TSPAN2: variants seen among roughly 807,000 people sequenced by gnomAD.
TSPAN2 encodes tetraspanin 2, also known as tetraspanin-2.
In TSPAN2, 24 loss-of-function variants were observed where a neutral mutation model predicts 33.3. That is an observed-to-expected ratio of 0.72 (90% confidence interval 0.52 to 1.01). TSPAN2 has a LOEUF of 1.01. Ranked by LOEUF, TSPAN2 falls within the 50% of genes least tolerant of loss-of-function variation. TSPAN2 has a pLI of 0.00. For synonymous variants in TSPAN2, 114 were observed against 104.5 expected, an observed-to-expected ratio of 1.09 and a Z score of -0.56; for missense variants, 278 against 281.3, an observed-to-expected ratio of 0.99 and a Z score of 0.08.
chr1:115,075,148 C>T (rs1648352754), intron 1 of TSPAN2, among the ~76,000 whole-genome samples: 1 of 152,114 alleles, frequency 6.6e-6, no homozygotes, highest in South Asian at 2.1e-4. Flanking sequence ...GATTATCCTC[C>T]CAGACAGAAT....
chr1:115,079,137 C>CCA (rs202132434), intron 1 of TSPAN2, among the ~76,000 whole-genome samples: 1,794 of 146,738 alleles, frequency 0.012, 17 homozygotes, highest in South Asian at 0.024. Context: ...AATTATAGCG[C>CCA]CACACACACA....
intron 1 of TSPAN2, among the ~76,000 whole-genome samples, chr1:115,073,217 G>T (rs979602086): frequency 7.2e-5 from 11 of 152,256 alleles, no homozygotes; most frequent in African/African-American, 2.6e-4. Flanking sequence ...CATTGGACTG[G>T]GTTTTTCTGA....
intron 7 of TSPAN2, among the ~76,000 whole-genome samples, chr1:115,052,487 C>T (rs1647213511): frequency 6.6e-6 from 1 of 152,166 alleles, no homozygotes; most frequent in East Asian, 1.9e-4. Flanking sequence ...TATCCTCTAC[C>T]ACAGGTTCTT....
chr1:115,059,973 T>C (rs1216456413), intron 4 of TSPAN2, among the ~76,000 whole-genome samples: 1 of 152,146 alleles, frequency 6.6e-6, no homozygotes, highest in East Asian at 1.9e-4. Flanking sequence ...CCTCTGTGTG[T>C]CCCCCCGATA....
Position 115,062,116 on chromosome 1 carries a change from A to AC in TSPAN2, c.270+18dup. 6.9e-7 allele frequency: 1 copy of AC among 1,451,360 alleles called. No homozygotes were observed. Among genetic ancestry groups the AC allele is most frequent in the East Asian group, 2.5e-5 (1 of 40,674 alleles). 89.9% of individuals were successfully genotyped at this position (1,451,360 alleles called of 1,614,324 possible). A position where few individuals can be genotyped will look rare whatever the true frequency, so the allele number is the denominator to read the frequency against. On this transcript the variant is annotated intron_variant, in intron 3 of 7. Coordinates refer to ENST00000369516, the MANE Select transcript of TSPAN2 (RefSeq NM_005725.6). Reference sequence around the variant, plus strand: ...CTCCCTCACCCCCACCCCACCATTTACCCCCTCGCCCCACTTACTGATCCA... The same window carrying AC: ...CTCCCTCACCCCCACCCCACCATTTACCCCCCTCGCCCCACTTACTGATCCA...
intron 2 of TSPAN2, among the ~76,000 whole-genome samples, chr1:115,068,791 C>A (rs1415688201): frequency 6.6e-6 from 1 of 152,182 alleles, no homozygotes; most frequent in East Asian, 1.9e-4. Context: ...TTTCTACAAA[C>A]ATGTCTATTG....
At chr1:115,071,141 C>G (rs1319040841) in intron 2 of TSPAN2, among the ~76,000 whole-genome samples, 1 of 152,068 alleles carries the variant, frequency 6.6e-6, no homozygotes, top group Non-Finnish European at 1.5e-5. Context: ...AGCCCAGGCC[C>G]CTCCCCAGGC....
At chr1:115,062,278 C>T in intron 2 of TSPAN2, 46 bp from the exon 3 acceptor site, 1 of 1,456,698 alleles carries the variant, frequency 6.9e-7, no homozygotes, top group Non-Finnish European at 9.4e-7. Context: ...CAACCGAGTG[C>T]CTCCACGACC....
At position 115,049,372 on chromosome 1, in the gene TSPAN2, A is replaced by G. The variant is rs1270016073; in HGVS notation, c.*1118T>C. ...TTTCTTTATTTTGGTTTGGCCAAAG[A>G]TGCTAATGGTTAAATTATGAAGGAC... On this transcript the variant is annotated 3_prime_UTR_variant, in exon 8 of 8. Coordinates refer to ENST00000369516, the MANE Select transcript of TSPAN2 (RefSeq NM_005725.6). 2 of 152,592 alleles carry G rather than the reference A, an allele frequency of 1.3e-5. No homozygotes were observed. The highest frequency in any genetic ancestry group is 1.5e-5 in the Non-Finnish European group (1 of 68,006). The allele number at this position is 152,592 out of a possible 1,614,324, so 9.5% of individuals were successfully genotyped here.
chr1:115,086,028 G>A (rs1303561509), intron 1 of TSPAN2, among the ~76,000 whole-genome samples: 1 of 152,144 alleles, frequency 6.6e-6, no homozygotes, highest in Non-Finnish European at 1.5e-5. Flanking sequence ...ATCCTCAAAT[G>A]AAGACAAATG....
At chr1:115,084,146 C>A (rs966206106) in intron 1 of TSPAN2, among the ~76,000 whole-genome samples, 3 of 152,182 alleles carry the variant, frequency 2.0e-5, no homozygotes, top group Non-Finnish European at 2.9e-5. Flanking sequence ...ATTCTACTTT[C>A]CCATTTGTAC....
intron 3 of TSPAN2, 90 bp from the exon 4 acceptor site, chr1:115,060,628 A>C: frequency 1.0e-6 from 1 of 961,512 alleles, no homozygotes; most frequent in Non-Finnish European, 1.6e-6. Context: ...TAATGGCTGA[A>C]TCGCTTTCAT....
chr1:115,076,288 G>A (rs1648409845), intron 1 of TSPAN2, among the ~76,000 whole-genome samples: 1 of 152,138 alleles, frequency 6.6e-6, no homozygotes, highest in African/African-American at 2.4e-5. Context: ...TCTGGGGGAG[G>A]TCGGAGGTTG....
rs770103316 is a variant in TSPAN2, at chr1:115,048,333, C to CTG, written c.*2155_*2156dup. On this transcript the variant is annotated 3_prime_UTR_variant, in exon 8 of 8. Coordinates refer to ENST00000369516, the MANE Select transcript of TSPAN2 (RefSeq NM_005725.6). ...TATATATATATATATATTCATCTTT[C>CTG]TGTGTGTGTGTGTATATATATCCAC... The CTG allele has an allele frequency of 2.1e-4, 31 of 147,814 alleles. No homozygotes were observed. The highest frequency in any genetic ancestry group is 7.9e-4 in the East Asian group (4 of 5,072). 9.2% of individuals were successfully genotyped at this position (147,814 alleles called of 1,614,324 possible).
intron 1 of TSPAN2, among the ~76,000 whole-genome samples, chr1:115,087,559 T>C (rs754536252): frequency 2.2e-5 from 3 of 138,324 alleles, no homozygotes; most frequent in Non-Finnish European, 3.0e-5. Flanking sequence ...GAGCTTGCAG[T>C]GAGTGGAGAT....
intron 5 of TSPAN2, 142 bp downstream of exon 5, chr1:115,058,741 G>C (rs1223403990): frequency 4.2e-6 from 3 of 716,770 alleles, no homozygotes; most frequent in African/African-American, 1.8e-5. Flanking sequence ...TGCAAACTGT[G>C]GCCCTCAAAA....
At chr1:115,058,809 G>T in intron 5 of TSPAN2, 74 bp downstream of exon 5, 1 of 1,236,926 alleles carries the variant, frequency 8.1e-7, no homozygotes, top group Non-Finnish European at 1.2e-6. Context: ...TTTTAATCCT[G>T]GTGATTGGTG....
At chr1:115,064,988 CT>C (rs1647887791) in intron 2 of TSPAN2, among the ~76,000 whole-genome samples, 1 of 152,130 alleles carries the variant, frequency 6.6e-6, no homozygotes, top group Non-Finnish European at 1.5e-5. Context: ...GGAAAGTGTG[CT>C]TTTTTGAACA....
intron 2 of TSPAN2, among the ~76,000 whole-genome samples, chr1:115,072,347 T>A (rs1174338453): frequency 2.0e-5 from 3 of 151,976 alleles, no homozygotes; most frequent in Non-Finnish European, 2.9e-5. Context: ...CATTCTTCTC[T>A]CTCCTCCCCT....
Sources: gnomAD v4.1 joint callset for allele counts (sites outside exome capture counted in the v4.1 genomes callset) on GRCh38, gnomAD v4.1.1 for gene constraint, MANE v1.5 for transcripts, NCBI Gene and HGNC (gene_info 2026-07-23, HGNC 2026-07-21) for gene names.